Variants in HOOK1 observed in about 807,000 individuals in gnomAD.
The protein encoded by HOOK1 is protein Hook homolog 1.
Under a neutral mutation model 112.8 loss-of-function variants are expected in HOOK1, and 60 were observed. The ratio of observed to expected loss-of-function variants is 0.53; its 90% CI spans 0.43 to 0.66. The LOEUF (loss-of-function observed/expected upper bound fraction) is 0.66. Among genes scored for constraint, HOOK1 ranks in the 30% least tolerant of loss-of-function variants. The probability of loss-of-function intolerance (pLI) is 0.00; values close to 1 mark genes in which losing one functional copy is unlikely to be tolerated. For missense variants in HOOK1, 770 were observed against 856.0 expected (o/e 0.90, Z 1.25); for synonymous variants, 294 against 283.8 (o/e 1.04, Z -0.36).
intron 7 of HOOK1, among the ~76,000 whole-genome samples, chr1:59,837,857 C>G (rs890903766): frequency 6.6e-6 from 1 of 152,068 alleles, no homozygotes; most frequent in Non-Finnish European, 1.5e-5. Flanking sequence ...CCCCCCACCC[C>G]CCACAGGCCC....
At position 59,847,132 on chromosome 1, in the gene HOOK1, G is replaced by C; in HGVS notation, c.876G>C (p.Leu292Phe). The change falls in exon 10 of 22, where the codon TTG (leucine) becomes TTC (phenylalanine). Residue 292 changes from leucine (L) to phenylalanine (F), a missense_variant. This residue lies in a region of HOOK1 where 655 missense variants were observed against 725.9 expected (regional missense o/e 0.90). Coordinates refer to ENST00000371208, the MANE Select transcript of HOOK1 (RefSeq NM_015888.6). ...AATTCCAGCATAGGAATGATGAATT[G>C]ACTAGTCTTGCAGAAGAAACAAGAG... ...LIEFQHRNDELTSLAEETRAL... is the reference protein window; with the variant it reads ...LIEFQHRNDEFTSLAEETRAL... 1.2e-6 allele frequency: 2 copies of C among 1,608,030 alleles called. No homozygotes were observed. The highest frequency in any genetic ancestry group is 2.7e-5 in the African/African-American group (2 of 74,692).
chr1:59,843,011 A>G (rs917888339), intron 8 of HOOK1, among the ~76,000 whole-genome samples: 1 of 151,970 alleles, frequency 6.6e-6, no homozygotes, highest in Non-Finnish European at 1.5e-5. Context: ...TATACTCTCA[A>G]CCTATCATGA....
At chr1:59,836,798 A>G (rs552395509) in intron 6 of HOOK1, 75 bp from the exon 7 acceptor site, 9 of 853,738 alleles carry the variant, frequency 1.1e-5, no homozygotes, top group African/African-American at 8.6e-5. Flanking sequence ...TCATTTTACT[A>G]TCCTTTCAAG....
rs551653569 is a variant in HOOK1, at chr1:59,814,961, G to A, written c.-157G>A. ...GGGTGAGGAGGGGGTGACGCCGGAC[G>A]CGTCGACAGCGCGAGGGTTCGCGCG... is the stretch of plus-strand genomic sequence containing the variant. On this transcript the variant is annotated 5_prime_UTR_variant, in exon 1 of 22. Coordinates refer to ENST00000371208, the MANE Select transcript of HOOK1 (RefSeq NM_015888.6). The A allele has an allele frequency of 1.0e-4, 69 of 666,666 alleles. No homozygotes were observed. Among genetic ancestry groups the A allele is most frequent in the African/African-American group, 9.4e-4 (50 of 53,050 alleles). 41.3% of individuals were successfully genotyped at this position (666,666 alleles called of 1,614,324 possible).
Position 59,848,580 on chromosome 1 carries a change from A to G in HOOK1, c.1131+64A>G, listed in dbSNP as rs1574204333. Reference sequence around the variant, plus strand: ...GAGTTTAACTTTGTTATTCCTTTTGATGTCTTAAGAATGGTAAAGAAATTG... The same window carrying G: ...GAGTTTAACTTTGTTATTCCTTTTGGTGTCTTAAGAATGGTAAAGAAATTG... On this transcript the variant is annotated intron_variant, in intron 11 of 21. Coordinates refer to ENST00000371208, the MANE Select transcript of HOOK1 (RefSeq NM_015888.6). 4.4e-6 allele frequency: 5 copies of G among 1,143,836 alleles called. No individual in the cohort carries two copies. In the East Asian group the frequency reaches 1.2e-4, roughly 27 times the overall value. The allele number at this position is 1,143,836 out of a possible 1,614,324, so 70.9% of individuals were successfully genotyped here.
intron 20 of HOOK1, among the ~76,000 whole-genome samples, chr1:59,869,013 G>C (rs1644013693): frequency 6.6e-6 from 1 of 152,128 alleles, no homozygotes; most frequent in Non-Finnish European, 1.5e-5. Flanking sequence ...TTATAATTGA[G>C]CACGTTCTGG....
In HOOK1 at chr1:59,860,197, T is replaced by C. The variant is rs1298130905; in HGVS notation, c.1401T>C (p.Phe467=). Residue 467 remains phenylalanine (F), a synonymous_variant, in exon 15 of 22, where the codon TTT becomes TTC. Coordinates refer to ENST00000371208, the MANE Select transcript of HOOK1 (RefSeq NM_015888.6). ...EIMPVEYREV[F]IRLQHENKML... ...TGCTTTGTAACATCAGGGAGGTGTT[T>C]ATTCGACTGCAACATGAAAATAAGA... 2 of 1,601,610 alleles carry C rather than the reference T, an allele frequency of 1.2e-6. No individual in the cohort carries two copies. The highest frequency in any genetic ancestry group is 1.7e-6 in the Non-Finnish European group (2 of 1,175,188).
Position 59,859,023 on chromosome 1 carries a change from G to A in HOOK1, c.1369G>A (p.Glu457Lys). 6.4e-7 allele frequency: 1 copy of A among 1,570,834 alleles called. No individual in the cohort carries two copies. ...AAAAAGTTATGAGAATCTTGCTGCT[G>A]AGATTATGCCAGTGGAATATAGGTA... ...ATKSYENLAA[E>K]IMPVEYREVF... The change falls in exon 14 of 22, where the codon GAG (glutamate) becomes AAG (lysine). Residue 457 changes from glutamate to lysine, a missense_variant. Physicochemically the swap from Glu to Lys is moderately conservative, Grantham distance 56. This residue lies in a region of HOOK1 where 655 missense variants were observed against 725.9 expected (regional missense o/e 0.90). Transcript: ENST00000371208.
chr1:59,863,167 A>T (rs1034878865), intron 16 of HOOK1, among the ~76,000 whole-genome samples: 1 of 152,168 alleles, frequency 6.6e-6, no homozygotes, highest in Non-Finnish European at 1.5e-5. Context: ...ACCAAAGTTC[A>T]TGATGATTCT....
intron 19 of HOOK1, among the ~76,000 whole-genome samples, chr1:59,867,487 G>A (rs12409242): frequency 0.22 from 34,164 of 152,002 alleles, 4,942 homozygotes; most frequent in African/African-American, 0.42. Context: ...TGTAGATGAA[G>A]TTTTCCTAAC....
chr1:59,816,996 A>G (rs2098382062), intron 1 of HOOK1, among the ~76,000 whole-genome samples: 1 of 152,130 alleles, frequency 6.6e-6, no homozygotes, highest in Non-Finnish European at 1.5e-5. Flanking sequence ...CCCAACTCTT[A>G]TTCCTCTGGG....
chr1:59,832,749 T>C (rs2098394893), intron 4 of HOOK1, among the ~76,000 whole-genome samples: 1 of 152,116 alleles, frequency 6.6e-6, no homozygotes, highest in Admixed American at 6.5e-5. Flanking sequence ...TGCTGAATGA[T>C]TGGCAGCTTT....
At chr1:59,865,430 A>C (rs754159393) in intron 18 of HOOK1, among the ~76,000 whole-genome samples, 185 bp downstream of exon 18, 1 of 152,186 alleles carries the variant, frequency 6.6e-6, no homozygotes, top group Non-Finnish European at 1.5e-5. Flanking sequence ...AAAGCAAAAA[A>C]TCTAATAAAA....
chr1:59,849,860 C>T (rs1162583956), intron 12 of HOOK1, among the ~76,000 whole-genome samples: 2 of 151,556 alleles, frequency 1.3e-5, no homozygotes, highest in Non-Finnish European at 3.0e-5. Context: ...TTTATCCATT[C>T]ACCAGTTTAT....
chr1:59,820,697 G>A (rs2098384985), intron 1 of HOOK1, among the ~76,000 whole-genome samples: 1 of 151,946 alleles, frequency 6.6e-6, no homozygotes, highest in Non-Finnish European at 1.5e-5. Context: ...AGAACATTTT[G>A]TGCATACTGT....
At chr1:59,835,498 A>G in intron 6 of HOOK1, 86 bp downstream of exon 6, 1 of 772,678 alleles carries the variant, frequency 1.3e-6, no homozygotes, top group South Asian at 1.7e-5. Flanking sequence ...TCTTTTTTAA[A>G]AACTTGCTCT....
At chr1:59,836,844 T>C (rs761261924) in intron 6 of HOOK1, 29 bp from the exon 7 acceptor site, 2 of 1,206,964 alleles carry the variant, frequency 1.7e-6, no homozygotes, top group East Asian at 2.4e-5. Flanking sequence ...CACATTGTTA[T>C]ACTTAATTTT....
chr1:59,828,762 T>A lies in HOOK1; in HGVS notation c.150-18T>A, dbSNP rs749252298. 1.2e-6 allele frequency: 2 copies of A among 1,607,572 alleles called. No homozygotes were observed. Among genetic ancestry groups the A allele is most frequent in the South Asian group, 2.2e-5 (2 of 89,276 alleles). On this transcript the variant is annotated intron_variant, in intron 2 of 21. Transcript: ENST00000371208. ...AAAAACATTTTCATCTTTAGTATTT[T>A]TTTTGTTGTTGTTTCAGTGATGCAG...
rs149149206 is a variant in HOOK1, at chr1:59,848,834, A to T, written c.1132-239A>T. On this transcript the variant is annotated intron_variant, in intron 11 of 21. Transcript: ENST00000371208. ...CCTAAATTCTGTTTTTCTGTTTACT[A>T]AATAGCATTAGTAGGCTGACTTTTA... is the stretch of plus-strand genomic sequence containing the variant. Among the ~76,000 whole-genome samples the T allele has an allele frequency of 9.6e-3, 1,451 of 151,290 alleles. 13 individuals are homozygous for T. The highest frequency in any genetic ancestry group is 0.013 in the Non-Finnish European group (857 of 67,476).
Sources: allele counts gnomAD v4.1 joint callset (sites outside exome capture counted in the v4.1 genomes callset), GRCh38; gene constraint gnomAD v4.1.1; regional missense constraint gnomAD v4.1.1; transcripts MANE v1.5; gene names NCBI Gene and HGNC (gene_info 2026-07-23, HGNC 2026-07-21).